Variants in DENND4A observed in about 807,000 individuals in gnomAD.
DENND4A encodes the protein C-myc promoter-binding protein.
DENND4A carries 70 observed loss-of-function variants against 199.3 expected under a neutral mutation model. That is an observed-to-expected ratio of 0.35 (90% CI 0.29 to 0.43). DENND4A has a LOEUF of 0.43. Ranked by LOEUF, DENND4A falls within the 20% of genes least tolerant of loss-of-function variation. DENND4A has a pLI of 1.00. For synonymous variants in DENND4A, 686 were observed against 766.9 expected (o/e 0.89, Z 1.74); for missense variants, 1,723 against 2,255.8 (o/e 0.76, Z 4.78).
chr15:65,746,369 C>CTCTCTCTTTTTTTTTTTTTTTTT (rs2076392238), intron 4 of DENND4A, among the ~76,000 whole-genome samples: 1 of 51,268 alleles, frequency 2.0e-5, no homozygotes, highest in African/African-American at 7.0e-5. Context: ...ACTTTTTTCT[C>CTCTCTCTTTTTTTTTTTTTTTTT]TTTTTTTTTT....
At chr15:65,726,146 T>C (rs1211910579) in intron 11 of DENND4A, 4 of 152,168 alleles carry the variant, frequency 2.6e-5, no homozygotes, top group Non-Finnish European at 4.4e-5. Flanking sequence ...AAAATTCTTT[T>C]TCTAATTTTT....
intron 23 of DENND4A, among the ~76,000 whole-genome samples, chr15:65,687,869 G>A (rs1405904020): frequency 6.6e-6 from 1 of 152,046 alleles, no homozygotes; most frequent in Non-Finnish European, 1.5e-5. Context: ...GTGCAAGTGT[G>A]GTTTTGAGTT....
intron 12 of DENND4A, among the ~76,000 whole-genome samples, 193 bp from the exon 13 acceptor site, chr15:65,718,189 A>C (rs574686883): frequency 1.3e-5 from 2 of 152,256 alleles, no homozygotes; most frequent in South Asian, 4.1e-4. Flanking sequence ...TTTTATCCAA[A>C]TTAAACACAA....
intron 1 of DENND4A, among the ~76,000 whole-genome samples, chr15:65,761,695 G>GA (rs563645284): frequency 6.6e-6 from 1 of 151,736 alleles, no homozygotes; most frequent in East Asian, 1.9e-4. Context: ...AGATAAGGGG[G>GA]AAAAAAAGAA....
intron 18 of DENND4A, among the ~76,000 whole-genome samples, chr15:65,701,528 C>T (rs969713158): frequency 1.9e-4 from 29 of 152,308 alleles, no homozygotes; most frequent in African/African-American, 4.3e-4. Flanking sequence ...GATTGTGCCA[C>T]TGCACTCTAG....
At chr15:65,698,531 T>C (rs1429516450) in intron 20 of DENND4A, among the ~76,000 whole-genome samples, 1 of 152,126 alleles carries the variant, frequency 6.6e-6, no homozygotes, top group African/African-American at 2.4e-5. Context: ...TTTATAAACT[T>C]GTAAAGCACT....
chr15:65,772,421 A>G (rs1270492207), intron 1 of DENND4A, among the ~76,000 whole-genome samples: 1 of 152,082 alleles, frequency 6.6e-6, no homozygotes, highest in Non-Finnish European at 1.5e-5. Flanking sequence ...AAAAGACCAG[A>G]TATTTGGCCA....
At chr15:65,728,928 G>C in intron 11 of DENND4A, 144 bp downstream of exon 11, 1 of 820,706 alleles carries the variant, frequency 1.2e-6, no homozygotes, top group Non-Finnish European at 2.0e-6. Context: ...AATAAGGTCT[G>C]ATTCAAAGAC....
intron 17 of DENND4A, 83 bp from the exon 18 acceptor site, chr15:65,701,973 A>G (rs1175096952): frequency 1.3e-6 from 2 of 1,572,132 alleles, no homozygotes; most frequent in Non-Finnish European, 1.7e-6. Context: ...ATTTTAAACA[A>G]TAATTGTGGC....
intron 1 of DENND4A, among the ~76,000 whole-genome samples, chr15:65,777,798 G>A (rs1051361066): frequency 1.3e-5 from 2 of 152,212 alleles, no homozygotes; most frequent in African/African-American, 4.8e-5. Context: ...CACTGTGGGA[G>A]GCCAAAGTGG....
Position 65,676,478 on chromosome 15 carries a change from G to A in DENND4A, c.4336C>T (p.Arg1446Ter), listed in dbSNP as rs760473578. The A allele has an allele frequency of 1.9e-6, 3 of 1,609,818 alleles. No individual in the cohort carries two copies. Among genetic ancestry groups the A allele is most frequent in the African/African-American group, 1.3e-5 (1 of 74,790 alleles). The stretch of plus-strand genomic sequence containing the variant: ...GATGCAGAACTTTCCAGGCTTATTC[G>A]GCTGAGATCAATTCTCTTAGTCCCT... ...TSGTKRIDLS[R>*]ISLESSASLE... The change falls in exon 24 of 33, where the codon CGA becomes TGA. Residue 1446 changes from arginine (R) to a stop codon, truncating the protein, a stop_gained. Coordinates refer to ENST00000443035, the MANE Select transcript of DENND4A (RefSeq NM_001320835.1). LOFTEE classifies it high-confidence loss of function.
chr15:65,789,329 G>A (rs1165919384), intron 1 of DENND4A, among the ~76,000 whole-genome samples: 1 of 152,086 alleles, frequency 6.6e-6, no homozygotes, highest in Non-Finnish European at 1.5e-5. Context: ...TGTAATAACA[G>A]GCGTGAGCCA....
chr15:65,755,628 T>C (rs1338515115), intron 3 of DENND4A, among the ~76,000 whole-genome samples: 1 of 152,086 alleles, frequency 6.6e-6, no homozygotes, highest in Non-Finnish European at 1.5e-5. Context: ...TAGCCAGATG[T>C]GACAGCGTGT....
At chr15:65,746,960 G>A (rs2076418101) in intron 4 of DENND4A, among the ~76,000 whole-genome samples, 1 of 151,230 alleles carries the variant, frequency 6.6e-6, no homozygotes. Flanking sequence ...ACAAAAAATG[G>A]CCGGGCGTGG....
At chr15:65,741,599 C>T (rs1452241535) in intron 5 of DENND4A, 116 bp downstream of exon 5, 6 of 648,246 alleles carry the variant, frequency 9.3e-6, no homozygotes, top group South Asian at 2.5e-5. Context: ...TCAGAAGATA[C>T]GGATTGTAGT....
chr15:65,753,941 T>C (rs776166095), intron 3 of DENND4A: 3 of 151,304 alleles, frequency 2.0e-5, no homozygotes, highest in Non-Finnish European at 4.4e-5. Context: ...TTCAAGCAAG[T>C]ATCCTGCCTC....
At position 65,752,619 on chromosome 15, in the gene DENND4A, A is replaced by G. The variant is rs1192572171; in HGVS notation, c.321T>C (p.Tyr107=). The change falls in exon 4 of 33, where the codon TAT becomes TAC. Residue 107 remains tyrosine, a synonymous_variant. Transcript: ENST00000443035. The part of the protein sequence containing the change: ...KPPLTDLGVL[Y]DWKERLKQGC... ...CCTGTTTCAATCTTTCTTTCCAGTC[A>G]TATAAAACCCTAAAAATAAATTTTT... The G allele has an allele frequency of 2.6e-6, 4 of 1,510,420 alleles. No individual in the cohort carries two copies. Among genetic ancestry groups the G allele is most frequent in the African/African-American group, 1.4e-5 (1 of 70,912 alleles). 93.6% of individuals were successfully genotyped at this position (1,510,420 alleles called of 1,614,324 possible).
At chr15:65,668,251 C>T in intron 27 of DENND4A, 128 bp from the exon 28 acceptor site, 2 of 694,478 alleles carry the variant, frequency 2.9e-6, no homozygotes, top group Admixed American at 3.6e-5. Context: ...CTCTGTCACC[C>T]AGGCTGGACT....
chr15:65,731,735 T>C (rs1406712703), intron 8 of DENND4A, 35 bp from the exon 9 acceptor site: 2 of 1,459,092 alleles, frequency 1.4e-6, no homozygotes, highest in Middle Eastern at 1.8e-4. Flanking sequence ...ATTTGAAACA[T>C]AAAGATGAAC....
Sources: allele counts gnomAD v4.1 joint callset (sites outside exome capture counted in the v4.1 genomes callset), GRCh38; gene constraint gnomAD v4.1.1; transcripts MANE v1.5; gene names NCBI Gene and HGNC (gene_info 2026-07-23, HGNC 2026-07-21).